The following RAB30 variants were observed in gnomAD, a reference collection of about 807,000 sequenced individuals.
The protein encoded by RAB30 is RAB30, member RAS oncogene family.
Under a neutral mutation model 25.1 loss-of-function variants are expected in RAB30, and 9 were observed. The observed-to-expected ratio is 0.36, with a 90% confidence interval of 0.22 to 0.63. The LOEUF is 0.63. RAB30 is among the 20% of genes least tolerant of loss of function. RAB30 has a pLI of 0.69. For synonymous variants in RAB30, 77 were observed against 86.4 expected, an observed-to-expected ratio of 0.89 and a Z score of 0.60; for missense variants, 140 against 243.5, an observed-to-expected ratio of 0.58 and a Z score of 2.83.
intron 1 of RAB30, among the ~76,000 whole-genome samples, chr11:83,056,631 T>C (rs1205726003): frequency 1.3e-5 from 2 of 152,196 alleles, no homozygotes; most frequent in Admixed American, 6.5e-5. Flanking sequence ...ATCTTCCACA[T>C]AAAATTGCAA....
At chr11:83,065,727 A>G (rs1029168080) in intron 1 of RAB30, among the ~76,000 whole-genome samples, 1 of 152,222 alleles carries the variant, frequency 6.6e-6, no homozygotes, top group Non-Finnish European at 1.5e-5. Context: ...GTTTAAAAGG[A>G]TAAATAATGT....
At chr11:83,070,145 G>A (rs1415516052) in intron 1 of RAB30, among the ~76,000 whole-genome samples, 1 of 152,040 alleles carries the variant, frequency 6.6e-6, no homozygotes, top group African/African-American at 2.4e-5. Context: ...TGGGGTGGGG[G>A]GAAGAAATGA....
At chr11:83,057,019 A>C (rs1387074625) in intron 1 of RAB30, among the ~76,000 whole-genome samples, 1 of 152,236 alleles carries the variant, frequency 6.6e-6, no homozygotes, top group Admixed American at 6.5e-5. Context: ...CAGCAGTAAC[A>C]GTAAGTACAG....
At chr11:83,028,743 A>G (rs1857782573) in intron 1 of RAB30, among the ~76,000 whole-genome samples, 1 of 152,256 alleles carries the variant, frequency 6.6e-6, no homozygotes, top group Non-Finnish European at 1.5e-5. Flanking sequence ...TAAAGTATAC[A>G]AGACCCAGAA....
Position 83,039,484 on chromosome 11 carries a change from GC to G in RAB30, c.-9+32206del, listed in dbSNP as rs576408437. ...ACTTGAGCTCAGGAGTTTGAGACCA[GC>G]CTGGGCAACATGGCAAAACTCCATC... is the stretch of plus-strand genomic sequence containing the variant. On this transcript the variant is annotated intron_variant, in intron 1 of 4. Transcript: ENST00000527633. Among the ~76,000 whole-genome samples, 36 of 152,310 alleles carry G rather than the reference GC, an allele frequency of 2.4e-4. No individual in the cohort carries two copies. The East Asian group carries it at 6.9e-3, about 29-fold the overall frequency.
intron 1 of RAB30, among the ~76,000 whole-genome samples, chr11:82,998,190 A>T (rs1467943841): frequency 6.6e-6 from 1 of 152,140 alleles, no homozygotes; most frequent in Non-Finnish European, 1.5e-5. Context: ...TCTATTTCCT[A>T]GCCCCTGGGA....
chr11:82,996,999 G>A (rs1856972635), intron 2 of RAB30, among the ~76,000 whole-genome samples: 1 of 152,228 alleles, frequency 6.6e-6, no homozygotes, highest in Admixed American at 6.5e-5. Context: ...GAAGAGGCAT[G>A]GGAGGGTTGG....
At chr11:83,047,581 A>G (rs1005875639) in intron 1 of RAB30, among the ~76,000 whole-genome samples, 1 of 152,234 alleles carries the variant, frequency 6.6e-6, no homozygotes, top group Non-Finnish European at 1.5e-5. Flanking sequence ...ATATGATCCT[A>G]TTAACAATAA....
In RAB30 at chr11:82,982,251, G is replaced by C. The variant is rs374719284; in HGVS notation, c.526C>G (p.Gln176Glu). 2.5e-6 allele frequency: 4 copies of C among 1,614,094 alleles called. No individual in the cohort carries two copies. In the African/African-American group the frequency reaches 4.0e-5, roughly 16 times the overall value. Residue 176 changes from glutamine to glutamate, a missense_variant, in exon 5 of 5, where the codon CAG becomes GAG. Coordinates refer to ENST00000527633, the MANE Select transcript of RAB30 (RefSeq NM_001286060.2). ...GATACATTGTTCACAAGTGTGTTCT[G>C]TCTGGCTTCACTGATGAGTCGGCAT... is the stretch of plus-strand genomic sequence containing the variant. Reference protein sequence around the residue: ...LACRLISEARQNTLVNNVSSP... With the variant: ...LACRLISEARENTLVNNVSSP...
At chr11:83,037,080 C>T (rs970079108) in intron 1 of RAB30, among the ~76,000 whole-genome samples, 1 of 151,568 alleles carries the variant, frequency 6.6e-6, no homozygotes, top group African/African-American at 2.4e-5. Flanking sequence ...GTGGGCAAGA[C>T]TTAAGAATAG....
At chr11:83,070,827 A>T (rs1286696607) in intron 1 of RAB30, among the ~76,000 whole-genome samples, 1 of 152,182 alleles carries the variant, frequency 6.6e-6, no homozygotes, top group Non-Finnish European at 1.5e-5. Flanking sequence ...CCTTTCTCTA[A>T]TGTGTTAAAA....
chr11:83,008,143 A>G (rs1857226543), intron 1 of RAB30, among the ~76,000 whole-genome samples: 1 of 152,184 alleles, frequency 6.6e-6, no homozygotes, highest in South Asian at 2.1e-4. Flanking sequence ...CACCGGGCTG[A>G]ACACACAAAG....
intron 1 of RAB30, among the ~76,000 whole-genome samples, chr11:83,065,216 T>C (rs1423297450): frequency 6.6e-6 from 1 of 151,934 alleles, no homozygotes; most frequent in Non-Finnish European, 1.5e-5. Flanking sequence ...AGTGACAGTT[T>C]GTCTCTACAA....
At chr11:83,058,066 T>G (rs1368760422) in intron 1 of RAB30, among the ~76,000 whole-genome samples, 4 of 152,200 alleles carry the variant, frequency 2.6e-5, no homozygotes, top group African/African-American at 9.6e-5. Context: ...CTCTTTATTT[T>G]TAATTAATTT....
rs1245073835 is a variant in RAB30, at chr11:82,987,678, G to A, written c.270C>T (p.Asp90=). 3 of 1,613,422 alleles carry A rather than the reference G, an allele frequency of 1.9e-6. No individual in the cohort carries two copies. Among genetic ancestry groups the A allele is most frequent in the Non-Finnish European group, 2.5e-6 (3 of 1,179,442 alleles). ...AACGGAAGGATTCCTCACAGGTAAT[G>A]TCATAGGTGAGGATCAAGGCATTGG... ...RSANALILTY[D]ITCEESFRCL... The change falls in exon 4 of 5, where the codon GAC becomes GAT. Residue 90 remains aspartate, a synonymous_variant. Coordinates refer to ENST00000527633, the MANE Select transcript of RAB30 (RefSeq NM_001286060.2).
At chr11:83,051,033 G>C (rs1324456907) in intron 1 of RAB30, among the ~76,000 whole-genome samples, 2 of 152,156 alleles carry the variant, frequency 1.3e-5, no homozygotes, top group East Asian at 3.9e-4. Flanking sequence ...TTTCTCAGTT[G>C]TTACTGGGTC....
chr11:83,014,678 G>GAAAGAAAGA (rs757401421), intron 1 of RAB30, among the ~76,000 whole-genome samples: 1 of 141,914 alleles, frequency 7.0e-6, no homozygotes, highest in Non-Finnish European at 1.5e-5. Flanking sequence ...AAGAAAGAAA[G>GAAAGAAAGA]AAAGAAAGAA....
At position 82,979,294 on chromosome 11, in the gene RAB30, T is replaced by G. The variant is rs750694869; in HGVS notation, c.*2871A>C. On this transcript the variant is annotated 3_prime_UTR_variant, in exon 5 of 5. Coordinates refer to ENST00000527633, the MANE Select transcript of RAB30 (RefSeq NM_001286060.2). The stretch of plus-strand genomic sequence containing the variant: ...TTTGCCATATATTTAATAACTTTAT[T>G]GAATGAAGAAAAAGATCACACCAAA... The G allele has an allele frequency of 6.6e-6, 1 of 152,220 alleles. No homozygotes were observed. The highest frequency in any genetic ancestry group is 2.4e-5 in the African/African-American group (1 of 41,468). 9.4% of individuals were successfully genotyped at this position (152,220 alleles called of 1,614,324 possible). A position where few individuals can be genotyped will look rare whatever the true frequency, so the allele number is the denominator to read the frequency against.
intron 4 of RAB30, among the ~76,000 whole-genome samples, chr11:82,983,966 T>C (rs12287415): frequency 0.015 from 2,302 of 152,290 alleles, 52 homozygotes; most frequent in African/African-American, 0.052. Context: ...ACTTTTGGCA[T>C]AGGAAAAAGG....
Sources: allele counts gnomAD v4.1 joint callset (sites outside exome capture counted in the v4.1 genomes callset), GRCh38; gene constraint gnomAD v4.1.1; transcripts MANE v1.5; gene names NCBI Gene and HGNC (gene_info 2026-07-23, HGNC 2026-07-21).